ZNF804B: variants seen among roughly 807,000 people sequenced by gnomAD.
The protein encoded by ZNF804B is zinc finger 804B.
A neutral mutation model predicts 101.4 loss-of-function variants in ZNF804B; 80 were observed. The ratio of observed to expected loss-of-function variants is 0.79; its 90% CI spans 0.66 to 0.95. ZNF804B has a LOEUF of 0.95. ZNF804B is among the 40% of genes least tolerant of loss of function. The pLI, the probability that ZNF804B is intolerant of heterozygous loss-of-function variation, is 0.00. For synonymous variants in ZNF804B, 622 were observed against 558.8 expected (o/e 1.11, Z -1.59); for missense variants, 1,673 against 1,561.9 (o/e 1.07, Z -1.20).
At chr7:89,311,814 T>C (rs918674048) in intron 2 of ZNF804B, among the ~76,000 whole-genome samples, 1 of 152,180 alleles carries the variant, frequency 6.6e-6, no homozygotes, top group African/African-American at 2.4e-5. Flanking sequence ...ATAGTATTGG[T>C]TATATTCATG....
chr7:89,021,441 AG>A (rs1206875840), intron 1 of ZNF804B, among the ~76,000 whole-genome samples: 1 of 152,120 alleles, frequency 6.6e-6, no homozygotes, highest in Non-Finnish European at 1.5e-5. Flanking sequence ...GGTTGTCTCA[AG>A]GGTGTGTCCA....
rs116670267 is a variant in ZNF804B, at chr7:89,314,906, C to T, written c.250-12438C>T. Among the ~76,000 whole-genome samples, 951 of 152,284 alleles carry T rather than the reference C, an allele frequency of 6.2e-3. 10 individuals carry two copies. The highest frequency in any genetic ancestry group is 0.022 in the African/African-American group (904 of 41,576). On this transcript the variant is annotated intron_variant, in intron 2 of 3. Coordinates refer to ENST00000333190, the MANE Select transcript of ZNF804B (RefSeq NM_181646.5). ...CTTCCAGAAAACTTCAAGCTCTTAACTGCTCTAACCTGTTCACCAAGTTCC... is the reference window on the plus strand; with the variant it reads ...CTTCCAGAAAACTTCAAGCTCTTAATTGCTCTAACCTGTTCACCAAGTTCC...
At chr7:89,293,590 C>G (rs962288147) in intron 2 of ZNF804B, among the ~76,000 whole-genome samples, 1 of 151,956 alleles carries the variant, frequency 6.6e-6, no homozygotes, top group Admixed American at 6.6e-5. Context: ...CGAGACCATC[C>G]TGGCTAATAT....
intron 1 of ZNF804B, among the ~76,000 whole-genome samples, chr7:88,883,481 A>G (rs547706168): frequency 6.6e-6 from 1 of 152,220 alleles, no homozygotes; most frequent in East Asian, 1.9e-4. Flanking sequence ...CCTGACTCAT[A>G]AAACCTTACT....
intron 1 of ZNF804B, among the ~76,000 whole-genome samples, chr7:89,042,750 A>G (rs1327359541): frequency 6.6e-6 from 1 of 152,166 alleles, no homozygotes; most frequent in Admixed American, 6.5e-5. Context: ...CTACCAGTGA[A>G]TCAGTGACAA....
chr7:89,197,562 T>C (rs1788574763), intron 1 of ZNF804B, among the ~76,000 whole-genome samples: 1 of 151,888 alleles, frequency 6.6e-6, no homozygotes, highest in Admixed American at 6.6e-5. Context: ...AGAGTTTTCA[T>C]ATTATCTACT....
chr7:88,786,050 G>T (rs1223111864), intron 1 of ZNF804B, among the ~76,000 whole-genome samples: 1 of 152,060 alleles, frequency 6.6e-6, no homozygotes, highest in African/African-American at 2.4e-5. Context: ...TGCTTATTTT[G>T]CTTATGATTG....
chr7:89,109,498 A>G (rs898184183), intron 1 of ZNF804B, among the ~76,000 whole-genome samples: 5 of 152,204 alleles, frequency 3.3e-5, no homozygotes, highest in Non-Finnish European at 7.4e-5. Flanking sequence ...GATTTGGGCC[A>G]TAACACAGCC....
chr7:89,007,311 T>C (rs1227576976), intron 1 of ZNF804B, among the ~76,000 whole-genome samples: 4 of 151,188 alleles, frequency 2.6e-5, no homozygotes, highest in Non-Finnish European at 4.4e-5. Flanking sequence ...GTGTATCTTC[T>C]CGTTAAGCTA....
chr7:89,163,444 A>AT (rs996625070), intron 1 of ZNF804B, among the ~76,000 whole-genome samples: 6 of 152,096 alleles, frequency 3.9e-5, no homozygotes, highest in East Asian at 1.9e-4. Context: ...TAATTTATCA[A>AT]TTTTTTGCCT....
intron 1 of ZNF804B, among the ~76,000 whole-genome samples, chr7:88,893,479 C>CA (rs965355574): frequency 6.6e-6 from 1 of 151,280 alleles, no homozygotes; most frequent in African/African-American, 2.4e-5. Flanking sequence ...TTTAAGATTT[C>CA]AAAAAAATAC....
intron 1 of ZNF804B, among the ~76,000 whole-genome samples, chr7:89,026,024 C>T (rs1788745785): frequency 6.6e-6 from 1 of 152,106 alleles, no homozygotes; most frequent in South Asian, 2.1e-4. Context: ...ACTTCCTTCT[C>T]CTTATTACAT....
At chr7:88,804,089 A>G (rs2115718283) in intron 1 of ZNF804B, among the ~76,000 whole-genome samples, 1 of 152,252 alleles carries the variant, frequency 6.6e-6, no homozygotes, top group Middle Eastern at 3.4e-3. Flanking sequence ...TAATATTGGC[A>G]ATTACGTTTA....
chr7:89,050,730 G>A (rs919417244), intron 1 of ZNF804B, among the ~76,000 whole-genome samples: 1 of 151,994 alleles, frequency 6.6e-6, no homozygotes, highest in Non-Finnish European at 1.5e-5. Flanking sequence ...TTTCAAAACA[G>A]TTCATTTTCA....
intron 1 of ZNF804B, among the ~76,000 whole-genome samples, chr7:88,928,003 A>G (rs1792832156): frequency 1.3e-5 from 2 of 152,074 alleles, no homozygotes; most frequent in Admixed American, 6.6e-5. Context: ...CCTCATCAGC[A>G]TGAGTCATTG....
At chr7:88,783,843 C>A (rs978637027) in intron 1 of ZNF804B, among the ~76,000 whole-genome samples, 1 of 151,904 alleles carries the variant, frequency 6.6e-6, no homozygotes, top group Non-Finnish European at 1.5e-5. Flanking sequence ...TTTCCAAGGC[C>A]CCTTGGGTCA....
At chr7:89,078,294 G>A (rs752208646) in intron 1 of ZNF804B, among the ~76,000 whole-genome samples, 8 of 151,962 alleles carry the variant, frequency 5.3e-5, no homozygotes, top group Non-Finnish European at 1.2e-4. Context: ...TTTTGTGCTA[G>A]GAAAAACAAA....
chr7:89,163,240 CG>C (rs1171992680), intron 1 of ZNF804B, among the ~76,000 whole-genome samples: 3 of 152,032 alleles, frequency 2.0e-5, no homozygotes, highest in Non-Finnish European at 4.4e-5. Flanking sequence ...ATAAAAACCA[CG>C]GATTTTGTAC....
chr7:89,305,928 G>A (rs1189787821), intron 2 of ZNF804B, among the ~76,000 whole-genome samples: 3 of 151,802 alleles, frequency 2.0e-5, no homozygotes, highest in African/African-American at 7.2e-5. Flanking sequence ...AGGTTAGATT[G>A]CTTTGTTTAG....
Sources: gnomAD v4.1 joint callset for allele counts (sites outside exome capture counted in the v4.1 genomes callset) on GRCh38, gnomAD v4.1.1 for gene constraint, MANE v1.5 for transcripts, NCBI Gene and HGNC (gene_info 2026-07-23, HGNC 2026-07-21) for gene names.